The following RBM26 variants were observed in gnomAD, a reference collection of about 807,000 sequenced individuals.
RBM26 encodes the protein RNA-binding protein 26.
A neutral mutation model predicts 123.6 loss-of-function variants in RBM26; 30 were observed. The ratio of observed to expected loss-of-function variants is 0.24; its 90% confidence interval spans 0.18 to 0.33. The LOEUF (loss-of-function observed/expected upper bound fraction) is 0.33, where lower values mean the gene tolerates loss of function less well. RBM26 is among the 10% of genes least tolerant of loss of function. The probability of loss-of-function intolerance (pLI) is 1.00; values close to 1 mark genes in which losing one functional copy is unlikely to be tolerated. For synonymous variants in RBM26, 400 were observed against 404.4 expected (o/e 0.99, Z 0.13); for missense variants, 947 against 1,203.6 (o/e 0.79, Z 3.15).
chr13:79,354,640 T>C, intron 12 of RBM26, 70 bp from the exon 13 acceptor site: 2 of 1,362,354 alleles, frequency 1.5e-6, no homozygotes, highest in Non-Finnish European at 1.9e-6. Flanking sequence ...TGTGTTATTT[T>C]GTTACTACAT....
At chr13:79,360,470 C>T (rs2074541156) in intron 9 of RBM26, among the ~76,000 whole-genome samples, 1 of 151,670 alleles carries the variant, frequency 6.6e-6, no homozygotes, top group South Asian at 2.1e-4. Flanking sequence ...TTGTTCCCAT[C>T]TACCATCACC....
At chr13:79,378,741 TA>T in intron 2 of RBM26, 47 bp downstream of exon 2, 1 of 1,217,674 alleles carries the variant, frequency 8.2e-7, no homozygotes, top group Non-Finnish European at 1.2e-6. Flanking sequence ...TGCCAAGCCT[TA>T]AATAACTTTT....
intron 14 of RBM26, among the ~76,000 whole-genome samples, chr13:79,349,451 T>C (rs2072861260): frequency 6.6e-6 from 1 of 152,018 alleles, no homozygotes; most frequent in South Asian, 2.1e-4. Flanking sequence ...GAAACAAAGA[T>C]TAAAAAACTT....
downstream of RBM26, chr13:79,314,955 G>A: frequency 7.7e-7 from 1 of 1,297,678 alleles, no homozygotes; most frequent in Non-Finnish European, 1.0e-6. Context: ...TGCTCTTGCA[G>A]TCACAAAGCT....
Position 79,368,965 on chromosome 13 carries a change from A to C in RBM26, c.660T>G (p.Tyr220Ter). Residue 220 changes from tyrosine to a stop codon, truncating the protein, a stop_gained, in exon 6 of 22, where the codon TAT (tyrosine) becomes TAG (stop). Transcript: ENST00000438737. LOFTEE classifies it high-confidence loss of function. ...SRERDLVKPK[Y>*]DLDRTDPLEN... ...CTAATGGATCTGTTCTATCCAGGTC[A>C]TATTTAGGTTTTACCAGATCCCTTT... The C allele has an allele frequency of 6.2e-7, 1 of 1,608,950 alleles. No individual in the cohort carries two copies. Among genetic ancestry groups the C allele is most frequent in the Non-Finnish European group, 8.5e-7 (1 of 1,176,272 alleles).
At chr13:79,315,014 T>TA (rs2067019319), downstream of RBM26, 59 of 1,285,828 alleles carry the variant, frequency 4.6e-5, no homozygotes, top group South Asian at 1.4e-4. Context: ...AGAAGACTAT[T>TA]AAAAAAAACT....
chr13:79,340,893 G>T (rs939119207), intron 18 of RBM26, among the ~76,000 whole-genome samples: 1 of 151,804 alleles, frequency 6.6e-6, no homozygotes, highest in African/African-American at 2.4e-5. Flanking sequence ...GGAGGAACTT[G>T]GGGATATAGG....
chr13:79,361,868 T>C (rs1230054503), intron 9 of RBM26, among the ~76,000 whole-genome samples: 2 of 152,182 alleles, frequency 1.3e-5, no homozygotes, highest in South Asian at 2.1e-4. Context: ...GCTTCATTCA[T>C]CTTTTTCAGT....
chr13:79,325,021 A>T (rs2068158709), intron 20 of RBM26, among the ~76,000 whole-genome samples: 1 of 152,090 alleles, frequency 6.6e-6, no homozygotes, highest in African/African-American at 2.4e-5. Context: ...AGATTTTAAT[A>T]AACCTGAAAA....
chr13:79,327,070 C>G (rs1225366459), intron 20 of RBM26, among the ~76,000 whole-genome samples: 1 of 151,934 alleles, frequency 6.6e-6, no homozygotes, highest in Non-Finnish European at 1.5e-5. Flanking sequence ...CTGAGACAGG[C>G]AGATTGGTTG....
downstream of RBM26, among the ~76,000 whole-genome samples, chr13:79,315,581 G>C (rs1490198575): frequency 2.0e-5 from 3 of 151,774 alleles, no homozygotes; most frequent in African/African-American, 7.2e-5. Flanking sequence ...TGGATGATGG[G>C]AAATGAGTAG....
intron 5 of RBM26, 151 bp downstream of exon 5, chr13:79,370,794 T>G (rs550454769): frequency 1.2e-6 from 1 of 834,268 alleles, no homozygotes; most frequent in East Asian, 2.7e-5. Flanking sequence ...AATAAAACTT[T>G]TAAAGGAATT....
intron 14 of RBM26, among the ~76,000 whole-genome samples, chr13:79,351,835 G>A (rs1228975210): frequency 2.6e-5 from 4 of 152,128 alleles, no homozygotes; most frequent in Admixed American, 6.6e-5. Flanking sequence ...AAATAAGTCT[G>A]AGTGTAAGAT....
chr13:79,362,412 T>TTTAA (rs1173841245), intron 9 of RBM26, among the ~76,000 whole-genome samples: 2 of 152,184 alleles, frequency 1.3e-5, no homozygotes, highest in African/African-American at 2.4e-5. Flanking sequence ...CTGTAAATGC[T>TTTAA]TTTAATTAGC....
chr13:79,354,896 G>C (rs1364825941), intron 12 of RBM26, among the ~76,000 whole-genome samples: 2 of 152,166 alleles, frequency 1.3e-5, no homozygotes, highest in Non-Finnish European at 2.9e-5. Context: ...AAAGGGGAGA[G>C]GGGAAAGAAG....
chr13:79,315,021 A>T (rs1219715819), downstream of RBM26: 1 of 1,271,744 alleles, frequency 7.9e-7, no homozygotes. Flanking sequence ...TATTAAAAAA[A>T]ACTTTGAAAA....
chr13:79,366,982 A>G (rs2075323048), intron 6 of RBM26, 110 bp from the exon 7 acceptor site: 1 of 903,298 alleles, frequency 1.1e-6, no homozygotes. Context: ...TTAATATTGG[A>G]CAAAAGTATA....
At chr13:79,343,637 A>C (rs2071802165) in intron 16 of RBM26, among the ~76,000 whole-genome samples, 2 of 151,932 alleles carry the variant, frequency 1.3e-5, no homozygotes, top group Non-Finnish European at 1.5e-5. Context: ...CCCAAGTCAC[A>C]TAAGTAATTT....
intron 1 of RBM26, among the ~76,000 whole-genome samples, chr13:79,398,954 T>A (rs1010549222): frequency 6.6e-6 from 1 of 152,220 alleles, no homozygotes; most frequent in African/African-American, 2.4e-5. Flanking sequence ...TTGTGCTAGA[T>A]AATGTATATA....
Sources: gnomAD v4.1 joint callset for allele counts (sites outside exome capture counted in the v4.1 genomes callset) on GRCh38, gnomAD v4.1.1 for gene constraint, MANE v1.5 for transcripts, NCBI Gene and HGNC (gene_info 2026-07-23, HGNC 2026-07-21) for gene names.